Variants in NR3C2 observed in about 807,000 individuals in gnomAD.
NR3C2 encodes the protein mineralocorticoid receptor.
In NR3C2, 15 loss-of-function variants were observed where a neutral mutation model predicts 86.4. That is an observed-to-expected ratio of 0.17 (90% CI 0.12 to 0.27). The LOEUF (loss-of-function observed/expected upper bound fraction) is 0.27, where lower values mean the gene tolerates loss of function less well. NR3C2 is among the 10% of genes least tolerant of loss of function. NR3C2 has a pLI of 1.00. For synonymous variants in NR3C2, 458 were observed against 450.5 expected, an observed-to-expected ratio of 1.02 and a Z score of -0.21; for missense variants, 960 against 1,195.6, an observed-to-expected ratio of 0.80 and a Z score of 2.91.
chr4:148,084,780 A>G (rs1469696726), intron 8 of NR3C2, among the ~76,000 whole-genome samples: 2 of 152,232 alleles, frequency 1.3e-5, no homozygotes, highest in Non-Finnish European at 2.9e-5. Context: ...TTTCACGTGC[A>G]AAGACACATA....
chr4:148,138,544 TG>T (rs1267337340), intron 6 of NR3C2, among the ~76,000 whole-genome samples: 1 of 151,990 alleles, frequency 6.6e-6, no homozygotes, highest in African/African-American at 2.4e-5. Flanking sequence ...CCACCACACC[TG>T]GCTAATTTTT....
intron 2 of NR3C2, among the ~76,000 whole-genome samples, chr4:148,428,652 A>C (rs1413321585): frequency 6.6e-6 from 1 of 152,162 alleles, no homozygotes; most frequent in Non-Finnish European, 1.5e-5. Context: ...TGATTATTTC[A>C]AAATCAATTT....
intron 4 of NR3C2, among the ~76,000 whole-genome samples, chr4:148,183,102 G>A (rs1368405804): frequency 6.6e-6 from 1 of 152,148 alleles, no homozygotes; most frequent in Non-Finnish European, 1.5e-5. Flanking sequence ...ATAGTTTGCT[G>A]AGAATGATGG....
intron 3 of NR3C2, among the ~76,000 whole-genome samples, chr4:148,206,619 C>T (rs1037054708): frequency 3.9e-5 from 6 of 152,256 alleles, no homozygotes; most frequent in African/African-American, 9.6e-5. Flanking sequence ...AATCTGCATA[C>T]GTTAGAACTT....
intron 3 of NR3C2, among the ~76,000 whole-genome samples, chr4:148,225,500 G>C (rs1738103674): frequency 1.3e-5 from 2 of 151,962 alleles, no homozygotes; most frequent in African/African-American, 4.8e-5. Flanking sequence ...ACAATGTTAT[G>C]AATTCTGTAG....
intron 6 of NR3C2, among the ~76,000 whole-genome samples, chr4:148,138,218 C>G (rs1560941150): frequency 6.6e-6 from 1 of 152,122 alleles, no homozygotes; most frequent in Non-Finnish European, 1.5e-5. Context: ...ATGTTAGGGA[C>G]CGGGGCTTAC....
At chr4:148,432,664 A>T (rs1431124405) in intron 2 of NR3C2, among the ~76,000 whole-genome samples, 2 of 152,168 alleles carry the variant, frequency 1.3e-5, no homozygotes, top group Non-Finnish European at 2.9e-5. Context: ...TCATTAACCT[A>T]TTCAACATTC....
intron 6 of NR3C2, among the ~76,000 whole-genome samples, chr4:148,141,518 C>G (rs2149753833): frequency 6.6e-6 from 1 of 152,196 alleles, no homozygotes; most frequent in South Asian, 2.1e-4. Context: ...TTTCTGTACT[C>G]TAGGTATTTA....
intron 4 of NR3C2, among the ~76,000 whole-genome samples, chr4:148,165,346 T>G (rs1300004275): frequency 6.6e-6 from 1 of 152,190 alleles, no homozygotes; most frequent in African/African-American, 2.4e-5. Context: ...TCAGAATTTT[T>G]TTTTATGATT....
intron 4 of NR3C2, among the ~76,000 whole-genome samples, chr4:148,193,391 G>T (rs1736295098): frequency 6.6e-6 from 1 of 152,194 alleles, no homozygotes; most frequent in African/African-American, 2.4e-5. Context: ...GTCCTCTCGG[G>T]ATTGCTGGTT....
At chr4:148,381,920 T>C (rs1460482492) in intron 2 of NR3C2, among the ~76,000 whole-genome samples, 7 of 152,214 alleles carry the variant, frequency 4.6e-5, no homozygotes. Context: ...TAGAATTTTC[T>C]TTTCTCCAGT....
chr4:148,263,085 CCTTTT>C (rs1176346710), intron 2 of NR3C2, among the ~76,000 whole-genome samples: 3 of 152,106 alleles, frequency 2.0e-5, no homozygotes, highest in African/African-American at 7.2e-5. Context: ...TGCATTCATT[CCTTTT>C]CTTTTATTTC....
intron 3 of NR3C2, among the ~76,000 whole-genome samples, chr4:148,218,528 A>G (rs916239378): frequency 2.0e-5 from 3 of 152,128 alleles, no homozygotes; most frequent in Non-Finnish European, 2.9e-5. Flanking sequence ...TTTCAAGTAC[A>G]CATTTTTTTT....
At chr4:148,110,904 G>C (rs1317498240) in intron 8 of NR3C2, among the ~76,000 whole-genome samples, 1 of 152,110 alleles carries the variant, frequency 6.6e-6, no homozygotes, top group Non-Finnish European at 1.5e-5. Flanking sequence ...AGGAAACATA[G>C]AGAAAAGCTC....
At chr4:148,362,316 T>C (rs1262748618) in intron 2 of NR3C2, among the ~76,000 whole-genome samples, 1 of 152,188 alleles carries the variant, frequency 6.6e-6, no homozygotes, top group Admixed American at 6.5e-5. Context: ...AGAAGGAGGA[T>C]ACTGAATGCT....
intron 3 of NR3C2, among the ~76,000 whole-genome samples, chr4:148,219,538 T>C (rs551015291): frequency 1.3e-5 from 2 of 152,244 alleles, no homozygotes; most frequent in African/African-American, 4.8e-5. Context: ...GCCCTTTTCA[T>C]TCTCATGCTT....
chr4:148,343,355 T>C (rs1160906485), intron 2 of NR3C2, among the ~76,000 whole-genome samples: 9 of 152,076 alleles, frequency 5.9e-5, no homozygotes, highest in African/African-American at 2.2e-4. Context: ...CACAGGCTCA[T>C]TACATCTCAC....
intron 4 of NR3C2, among the ~76,000 whole-genome samples, chr4:148,190,236 A>G (rs1210131085): frequency 2.0e-5 from 3 of 152,114 alleles, no homozygotes; most frequent in African/African-American, 7.2e-5. Flanking sequence ...AGGTTGTGTC[A>G]TTACTGTCAA....
intron 2 of NR3C2, among the ~76,000 whole-genome samples, chr4:148,317,050 C>A (rs1389026039): frequency 5.3e-5 from 8 of 152,190 alleles, no homozygotes; most frequent in African/African-American, 1.9e-4. Flanking sequence ...GCTTCAGCCA[C>A]CCAAAGTGCT....
Sources: allele counts gnomAD v4.1 joint callset (sites outside exome capture counted in the v4.1 genomes callset), GRCh38; gene constraint gnomAD v4.1.1; transcripts MANE v1.5; gene names NCBI Gene and HGNC (gene_info 2026-07-23, HGNC 2026-07-21).